Variants in HPS4 observed in about 807,000 individuals in gnomAD.
HPS4 encodes the protein BLOC-3 complex member HPS4.
HPS4 carries 44 observed loss-of-function variants against 70.3 expected under a neutral mutation model. The ratio of observed to expected loss-of-function variants is 0.63; its 90% CI spans 0.49 to 0.80. The LOEUF is 0.80. HPS4 is among the 30% of genes least tolerant of loss of function. The pLI, the probability that HPS4 is intolerant of heterozygous loss-of-function variation, is 0.00. For synonymous variants in HPS4, 377 were observed against 355.9 expected (o/e 1.06, Z -0.67); for missense variants, 873 against 884.4 (o/e 0.99, Z 0.16).
intron 4 of HPS4, among the ~76,000 whole-genome samples, chr22:26,473,779 T>G (rs1405367498): frequency 6.6e-6 from 1 of 152,192 alleles, no homozygotes; most frequent in East Asian, 1.9e-4. Context: ...GAAAGTTATC[T>G]GGTCATATGT....
chr22:26,477,231 G>A, intron 3 of HPS4, 95 bp from the exon 4 acceptor site: 1 of 1,320,238 alleles, frequency 7.6e-7, no homozygotes, highest in Non-Finnish European at 1.1e-6. Flanking sequence ...GCCAAATCCA[G>A]TCTGTTACCC....
intron 11 of HPS4, 103 bp downstream of exon 11, chr22:26,463,814 T>C: frequency 8.1e-7 from 1 of 1,236,782 alleles, no homozygotes; most frequent in East Asian, 2.4e-5. Context: ...AACTGAGGGC[T>C]GAGCCTTTAT....
At chr22:26,463,818 C>G (rs562049003) in intron 11 of HPS4, 99 bp downstream of exon 11, 12 of 1,276,550 alleles carry the variant, frequency 9.4e-6, no homozygotes, top group African/African-American at 7.3e-5. Flanking sequence ...GAGGGCTGAG[C>G]CTTTATCTCT....
rs761480950 is a variant in HPS4, at chr22:26,464,531, GTTC to G, written c.1096_1098del (p.Glu366del). ...GGAATGTGGATTTCAGACAAGTCGA[GTTC>G]TTCTTGGAGAAAGACTAGTTCCTTC... On this transcript the variant is annotated inframe_deletion, in exon 11 of 14. Coordinates refer to ENST00000398145, the MANE Select transcript of HPS4 (RefSeq NM_022081.6). 1.3e-5 allele frequency: 21 copies of G among 1,614,216 alleles called. No individual in the cohort carries two copies. The highest frequency in any genetic ancestry group is 1.8e-5 in the Non-Finnish European group (21 of 1,180,044).
chr22:26,468,518 G>A, intron 8 of HPS4, 33 bp downstream of exon 8: 1 of 1,574,430 alleles, frequency 6.4e-7, no homozygotes. Flanking sequence ...TCTGGGGGAT[G>A]CTGTCCAGCC....
At chr22:26,443,376 G>T, downstream of HPS4, 2 of 574,274 alleles carry the variant, frequency 3.5e-6, no homozygotes, top group South Asian at 2.1e-5. Flanking sequence ...CTTGGTTATT[G>T]TAAATGGAAA....
At chr22:26,443,849 C>T (rs927918557), downstream of HPS4, 1 of 152,234 alleles carries the variant, frequency 6.6e-6, no homozygotes, top group East Asian at 1.9e-4. Flanking sequence ...CATTCTAAAC[C>T]TTGTCAGGTC....
chr22:26,472,372 T>C lies in HPS4; in HGVS notation c.431A>G (p.Glu144Gly). Residue 144 changes from glutamate (E) to glycine (G), a missense_variant, in exon 6 of 14, where the codon GAG (glutamate) becomes GGG (glycine). Physicochemically the swap from Glu to Gly is moderately conservative, Grantham distance 98. Transcript: ENST00000398145. ...ATCACTGGTGTTTTTCAGAATTTGCTCGATGAAGGTGTCCCACTCCGTGCT... is the reference window on the plus strand; with the variant it reads ...ATCACTGGTGTTTTTCAGAATTTGCCCGATGAAGGTGTCCCACTCCGTGCT... Reference protein sequence around the residue: ...ELSTEWDTFIEQILKNTSDLH... With the variant: ...ELSTEWDTFIGQILKNTSDLH... 1 of 1,613,966 alleles carries C rather than the reference T, an allele frequency of 6.2e-7. No individual in the cohort carries two copies. The highest frequency in any genetic ancestry group is 8.5e-7 in the Non-Finnish European group (1 of 1,179,790).
At chr22:26,458,717 G>A (rs563638059) in intron 11 of HPS4, 140 bp from the exon 12 acceptor site, 6 of 908,590 alleles carry the variant, frequency 6.6e-6, no homozygotes, top group African/African-American at 3.3e-5. Flanking sequence ...AGTGCTTTGT[G>A]AGACCGAGGC....
chr22:26,465,348 A>G (rs2088317078), intron 10 of HPS4, 107 bp downstream of exon 10: 1 of 792,916 alleles, frequency 1.3e-6, no homozygotes, highest in Non-Finnish European at 2.2e-6. Flanking sequence ...CATGGGGAAG[A>G]TGGAATTAAG....
chr22:26,478,246 AGAG>A (rs1444596075), intron 3 of HPS4, among the ~76,000 whole-genome samples: 1 of 151,240 alleles, frequency 6.6e-6, no homozygotes, highest in African/African-American at 2.4e-5. Context: ...AAAAAAAGAG[AGAG>A]AAGAAGAGGT....
intron 13 of HPS4, among the ~76,000 whole-genome samples, chr22:26,457,471 A>G (rs938218222): frequency 1.3e-5 from 2 of 152,116 alleles, no homozygotes; most frequent in Non-Finnish European, 2.9e-5. Flanking sequence ...CCTGCCTCGC[A>G]AAGTGCTGAG....
chr22:26,483,463 T>C (rs948106937), intron 1 of HPS4, among the ~76,000 whole-genome samples: 3 of 152,276 alleles, frequency 2.0e-5, no homozygotes, highest in East Asian at 3.9e-4. Flanking sequence ...CGGACGCTAA[T>C]GGCTGGAAAA....
At position 26,458,551 on chromosome 22, in the gene HPS4, AT is replaced by A. The variant is rs779927531; in HGVS notation, c.1739del (p.Asn580MetfsTer7). The A allele has an allele frequency of 6.2e-7, 1 of 1,614,130 alleles. No individual in the cohort carries two copies. Among genetic ancestry groups the A allele is most frequent in the South Asian group, 1.1e-5 (1 of 91,080 alleles). On this transcript the variant is annotated frameshift_variant, in exon 12 of 14. Coordinates refer to ENST00000398145, the MANE Select transcript of HPS4 (RefSeq NM_022081.6). LOFTEE classifies it high-confidence loss of function. ...EVYHSSLASL[N>X]GLEVHLKETL... ...TCTCTTTCAGGTGGACTTCCAGCCC[AT>A]TCAGTGAAGCCAGGCTGCTGTGGTA...
At chr22:26,471,474 G>C (rs894115132) in intron 6 of HPS4, 1 of 448,092 alleles carries the variant, frequency 2.2e-6, no homozygotes, top group Non-Finnish European at 4.5e-6. Flanking sequence ...CTGCCAGCTA[G>C]AACCAGCAAG....
chr22:26,458,346 G>A lies in HPS4; in HGVS notation c.1846+99C>T, dbSNP rs538804535. On this transcript the variant is annotated intron_variant, in intron 12 of 13. Coordinates refer to ENST00000398145, the MANE Select transcript of HPS4 (RefSeq NM_022081.6). ...CTGAACGCAGGTCAGACAACTCTGTGCACAGCCGTGTCATCATGATGCTGG... is the reference window on the plus strand; with the variant it reads ...CTGAACGCAGGTCAGACAACTCTGTACACAGCCGTGTCATCATGATGCTGG... 33 of 1,464,202 alleles carry A rather than the reference G, an allele frequency of 2.3e-5. No individual in the cohort carries two copies. In the South Asian group the frequency reaches 3.6e-4, roughly 16 times the overall value. The allele number at this position is 1,464,202 out of a possible 1,614,324, so 90.7% of individuals were successfully genotyped here.
At chr22:26,481,127 G>C (rs990314901) in intron 2 of HPS4, among the ~76,000 whole-genome samples, 2 of 151,450 alleles carry the variant, frequency 1.3e-5, no homozygotes, top group Non-Finnish European at 3.0e-5. Flanking sequence ...CTGCTTGTGC[G>C]GGCACACGAA....
At chr22:26,465,384 G>T (rs2088326571) in intron 10 of HPS4, 71 bp downstream of exon 10, 5 of 1,113,348 alleles carry the variant, frequency 4.5e-6, no homozygotes, top group Admixed American at 1.7e-5. Context: ...TCAGAGGTTT[G>T]TTTTTTAACC....
downstream of HPS4, among the ~76,000 whole-genome samples, chr22:26,448,709 A>G (rs1428460254): frequency 6.6e-6 from 1 of 152,218 alleles, no homozygotes; most frequent in Non-Finnish European, 1.5e-5. Flanking sequence ...GGGGAAGTAC[A>G]GCTAATTTCA....
Sources: allele counts gnomAD v4.1 joint callset (sites outside exome capture counted in the v4.1 genomes callset), GRCh38; gene constraint gnomAD v4.1.1; transcripts MANE v1.5; gene names NCBI Gene and HGNC (gene_info 2026-07-23, HGNC 2026-07-21).